KIT: variants seen among roughly 807,000 people sequenced by gnomAD.
KIT encodes mast/stem cell growth factor receptor Kit.
A neutral mutation model predicts 105.7 loss-of-function variants in KIT; 16 were observed. The observed-to-expected ratio is 0.15, with a 90% CI of 0.10 to 0.23. KIT has a LOEUF of 0.23. KIT is among the 10% of genes least tolerant of loss of function. The probability of loss-of-function intolerance (pLI) is 1.00; values close to 1 mark genes in which losing one functional copy is unlikely to be tolerated. For missense variants in KIT, 858 were observed against 1,213.8 expected (o/e 0.71, Z 4.36); for synonymous variants, 438 against 441.1 (o/e 0.99, Z 0.09).
At position 54,698,449 on chromosome 4, in the gene KIT, C is replaced by G. The variant is rs149092990; in HGVS notation, c.503C>G (p.Ala168Gly). The G allele has an allele frequency of 1.2e-6, 2 of 1,614,148 alleles. No homozygotes were observed. Among genetic ancestry groups the G allele is most frequent in the Non-Finnish European group, 1.7e-6 (2 of 1,180,026 alleles). Residue 168 changes from alanine (A) to glycine (G), a missense_variant, in exon 3 of 21, where the codon GCG becomes GGG. Transcript: ENST00000288135. ...KDLRFIPDPK[A>G]GIMIKSVKRA... is the part of the protein sequence containing the mutation. ...TTGAGGTTTATTCCTGACCCCAAGG[C>G]GGGCATCATGATCAAAAGTGTGAAA...
At chr4:54,724,278 G>T (rs997552344) in intron 8 of KIT, among the ~76,000 whole-genome samples, 2 of 152,082 alleles carry the variant, frequency 1.3e-5, no homozygotes. Context: ...ACGAAAATGG[G>T]GTCACCACAG....
At chr4:54,693,364 T>G (rs1052524475) in intron 1 of KIT, among the ~76,000 whole-genome samples, 1 of 152,228 alleles carries the variant, frequency 6.6e-6, no homozygotes, top group Non-Finnish European at 1.5e-5. Flanking sequence ...GGTGGTTCTT[T>G]TTCTTAAATC....
In KIT at chr4:54,727,894, G is replaced by A. The variant is rs2109779996; in HGVS notation, c.1846G>A (p.Ala616Thr). The stretch of plus-strand genomic sequence containing the variant: ...TGCTTATGGCTTAATTAAGTCAGAT[G>A]CGGCCATGACTGTCGCTGTAAAGAT... ...ATAYGLIKSD[A>T]AMTVAVKMLK... Residue 616 changes from alanine to threonine, a missense_variant, in exon 12 of 21, where the codon GCG becomes ACG. Coordinates refer to ENST00000288135, the MANE Select transcript of KIT (RefSeq NM_000222.3). The A allele has an allele frequency of 2.5e-6, 4 of 1,614,034 alleles. No individual in the cohort carries two copies. Among genetic ancestry groups the A allele is most frequent in the Non-Finnish European group, 3.4e-6 (4 of 1,179,992 alleles).
chr4:54,736,269 G>A (rs914416614), intron 17 of KIT, among the ~76,000 whole-genome samples: 3 of 152,184 alleles, frequency 2.0e-5, no homozygotes, highest in South Asian at 2.1e-4. Flanking sequence ...TCTCCATGCC[G>A]TACTGACATA....
chr4:54,705,022 T>C (rs1220674219), intron 5 of KIT, among the ~76,000 whole-genome samples: 2 of 152,236 alleles, frequency 1.3e-5, no homozygotes, highest in Admixed American at 6.5e-5. Context: ...GAAAGTGTAC[T>C]ACTTTGTTCC....
intron 1 of KIT, among the ~76,000 whole-genome samples, chr4:54,659,883 G>T (rs1390858571): frequency 4.0e-5 from 6 of 150,832 alleles, no homozygotes; most frequent in East Asian, 3.9e-4. Context: ...CTGTCTCCTG[G>T]GGGGGCAGTG....
rs1217459035 is a variant in KIT at position 54,739,471 on chromosome 4, A to G, written c.*914A>G. On this transcript the variant is annotated 3_prime_UTR_variant, in exon 21 of 21. Transcript: ENST00000288135. ...TCTGTAGATTCTGTGGAACAAGCCT[A>G]TCAGCTTCAGAATGGCATTGTACTC... is the stretch of plus-strand genomic sequence containing the variant. 4.3e-6 allele frequency: 1 copy of G among 233,358 alleles called. No homozygotes were observed. Among genetic ancestry groups the G allele is most frequent in the East Asian group, 6.0e-5 (1 of 16,564 alleles). The allele number at this position is 233,358 out of a possible 1,614,324, so 14.5% of individuals were successfully genotyped here. A position where few individuals can be genotyped will look rare whatever the true frequency, so the allele number is the denominator to read the frequency against.
rs2969160 is a variant in KIT at position 54,709,108 on chromosome 4, C to G, written c.1116-316C>G. ...CATGGGCAGGGGAGGAAGTGGTATG[C>G]GGACAGCCCAGGGTGGTGGGGGGAG... On this transcript the variant is annotated intron_variant, in intron 6 of 20. Coordinates refer to ENST00000288135, the MANE Select transcript of KIT (RefSeq NM_000222.3). Among the ~76,000 whole-genome samples the G allele has an allele frequency of 0.97, 145,828 of 149,820 alleles. 71,095 individuals are homozygous for G. The highest frequency in any genetic ancestry group is 1 in the Middle Eastern group (294 of 294).
At chr4:54,685,655 C>T (rs1032676616) in intron 1 of KIT, among the ~76,000 whole-genome samples, 2 of 152,182 alleles carry the variant, frequency 1.3e-5, no homozygotes, top group African/African-American at 4.8e-5. Flanking sequence ...CGGAGGAGGC[C>T]TCCGGGGGTT....
rs757414947 is a variant in KIT at position 54,727,291 on chromosome 4, T to C, written c.1614T>C (p.Ile538=). ...TAATCGTAGCTGGCATGATGTGCAT[T>C]ATTGTGATGATTCTGACCTACAAAT... ...GFVIVAGMMC[I]IVMILTYKYL... Residue 538 remains isoleucine (I), a synonymous_variant, in exon 10 of 21, where the codon ATT becomes ATC. Transcript: ENST00000288135. 6.2e-7 allele frequency: 1 copy of C among 1,614,166 alleles called. No individual in the cohort carries two copies. The highest frequency in any genetic ancestry group is 8.5e-7 in the Non-Finnish European group (1 of 1,179,990).
At chr4:54,720,845 C>G (rs1292223939) in intron 7 of KIT, among the ~76,000 whole-genome samples, 4 of 152,052 alleles carry the variant, frequency 2.6e-5, no homozygotes, top group Non-Finnish European at 5.9e-5. Context: ...GTAGACTGGT[C>G]CCACTCATCA....
Position 54,658,029 on chromosome 4 carries a change from C to T in KIT, c.15C>T (p.Arg5=), listed in dbSNP as rs1357038342. The change falls in exon 1 of 21, where the codon CGC becomes CGT. Residue 5 remains arginine (R), a synonymous_variant. Coordinates refer to ENST00000288135, the MANE Select transcript of KIT (RefSeq NM_000222.3). MRGA[R]GAWDFLCVLL... is the part of the protein sequence containing the mutation. ...CAGCTACCGCGATGAGAGGCGCTCG[C>T]GGCGCCTGGGATTTTCTCTGCGTTC... The T allele has an allele frequency of 6.2e-7, 1 of 1,613,898 alleles. No individual in the cohort carries two copies. The highest frequency in any genetic ancestry group is 1.1e-5 in the South Asian group (1 of 91,076).
intron 1 of KIT, among the ~76,000 whole-genome samples, chr4:54,682,750 G>A (rs1324941496): frequency 7.5e-6 from 1 of 134,098 alleles, no homozygotes; most frequent in Admixed American, 7.6e-5. Flanking sequence ...TGTCTTGACC[G>A]TTTTTTTTTT....
intron 4 of KIT, among the ~76,000 whole-genome samples, chr4:54,702,052 G>A (rs571714530): frequency 5.6e-4 from 86 of 152,244 alleles, no homozygotes; most frequent in Non-Finnish European, 1.0e-3. Flanking sequence ...AAGATCTCAC[G>A]ATTAGTTAAC....
intron 1 of KIT, among the ~76,000 whole-genome samples, chr4:54,660,198 G>A (rs1477703036): frequency 6.6e-6 from 1 of 152,070 alleles, no homozygotes; most frequent in Non-Finnish European, 1.5e-5. Context: ...GCATCTGACC[G>A]GTCTGCCCCT....
intron 1 of KIT, among the ~76,000 whole-genome samples, chr4:54,665,887 G>A (rs973093781): frequency 6.6e-6 from 1 of 152,146 alleles, no homozygotes; most frequent in Non-Finnish European, 1.5e-5. Context: ...GGTAGCATTG[G>A]GGATTATAAA....
intron 7 of KIT, among the ~76,000 whole-genome samples, chr4:54,721,699 G>T (rs1367292507): frequency 6.6e-6 from 1 of 152,182 alleles, no homozygotes; most frequent in Non-Finnish European, 1.5e-5. Context: ...ATTCTACAAA[G>T]ATGTCATTTA....
chr4:54,722,803 TTATATATATATTTA>T (rs1194085035), intron 7 of KIT, among the ~76,000 whole-genome samples: 1 of 60,170 alleles, frequency 1.7e-5, no homozygotes, highest in Non-Finnish European at 3.4e-5. Context: ...ATATTCAGAT[TTATATATATATTTA>T]TATATATATA....
At chr4:54,724,505 C>G (rs1722095647) in intron 8 of KIT, among the ~76,000 whole-genome samples, 1 of 152,212 alleles carries the variant, frequency 6.6e-6, no homozygotes, top group Non-Finnish European at 1.5e-5. Context: ...TTCAAGGCCC[C>G]TGGGAGGAAT....
Sources: allele counts gnomAD v4.1 joint callset (sites outside exome capture counted in the v4.1 genomes callset), GRCh38; gene constraint gnomAD v4.1.1; transcripts MANE v1.5; gene names NCBI Gene and HGNC (gene_info 2026-07-23, HGNC 2026-07-21).